OGDH: variants seen among roughly 807,000 people sequenced by gnomAD.
OGDH encodes the protein 2-oxoglutarate dehydrogenase complex component E1.
A neutral mutation model predicts 116.6 loss-of-function variants in OGDH; 38 were observed. The ratio of observed to expected loss-of-function variants is 0.33; its 90% CI spans 0.25 to 0.43. The LOEUF is 0.43. OGDH is among the 20% of genes least tolerant of loss of function. The pLI is 1.00. For synonymous variants in OGDH, 488 were observed against 533.3 expected (o/e 0.92, Z 1.17); for missense variants, 825 against 1,357.2 (o/e 0.61, Z 6.16).
chr7:44,643,702 C>CA (rs1278624518), intron 2 of OGDH, among the ~76,000 whole-genome samples: 1 of 152,200 alleles, frequency 6.6e-6, no homozygotes, highest in Non-Finnish European at 1.5e-5. Context: ...TCTCCAGACT[C>CA]AGACAGACCC....
intron 6 of OGDH, 39 bp from the exon 7 acceptor site, chr7:44,674,372 G>C: frequency 1.2e-6 from 2 of 1,613,210 alleles, no homozygotes; most frequent in Non-Finnish European, 1.7e-6. Context: ...GTCAGGAAGA[G>C]TGACATTGCC....
intron 3 of OGDH, 134 bp from the exon 4 acceptor site, chr7:44,647,523 C>T: frequency 6.5e-7 from 1 of 1,544,110 alleles, no homozygotes; most frequent in Non-Finnish European, 8.7e-7. Context: ...GTAACTGTTT[C>T]TTCAAACGTG....
rs998068955 is a variant in OGDH, at chr7:44,671,358, A to G, written c.634-2429A>G. 5.9e-5 allele frequency among the ~76,000 whole-genome samples: 9 copies of G among 152,290 alleles called. No individual in the cohort carries two copies. In the East Asian group the frequency reaches 1.2e-3, roughly 20 times the overall value. Reference sequence around the variant, plus strand: ...CACCTCTGAGCAAGGGCATTAATCTATTCATGAGGGATCCACCCTCACAAA... The same window carrying G: ...CACCTCTGAGCAAGGGCATTAATCTGTTCATGAGGGATCCACCCTCACAAA... On this transcript the variant is annotated intron_variant, in intron 5 of 22. Coordinates refer to ENST00000222673, the MANE Select transcript of OGDH (RefSeq NM_002541.4).
chr7:44,687,066 C>T (rs1353103991), intron 10 of OGDH, among the ~76,000 whole-genome samples: 9 of 138,826 alleles, frequency 6.5e-5, no homozygotes, highest in South Asian at 2.4e-4. Context: ...GGGATATGCT[C>T]ATGTTTTTAA....
At chr7:44,644,129 C>T (rs1786068819) in intron 2 of OGDH, among the ~76,000 whole-genome samples, 1 of 152,172 alleles carries the variant, frequency 6.6e-6, no homozygotes, top group South Asian at 2.1e-4. Context: ...CACTTGAACC[C>T]GGGAGGTGGA....
intron 20 of OGDH, among the ~76,000 whole-genome samples, chr7:44,705,046 A>ATTTTTTTTTTTTT (rs1585406047): frequency 1.1e-5 from 1 of 87,684 alleles, no homozygotes; most frequent in African/African-American, 6.0e-5. Context: ...AAAGTTTTTA[A>ATTTTTTTTTTTTT]TTTTCTTTTT....
At chr7:44,611,305 G>A (rs746040639) in intron 1 of OGDH, among the ~76,000 whole-genome samples, 4 of 151,888 alleles carry the variant, frequency 2.6e-5, no homozygotes, top group Non-Finnish European at 5.9e-5. Flanking sequence ...CTGTCGCCCA[G>A]GCTGGAGTGC....
intron 20 of OGDH, among the ~76,000 whole-genome samples, chr7:44,706,269 T>C (rs1789065713): frequency 6.6e-6 from 1 of 151,994 alleles, no homozygotes; most frequent in Non-Finnish European, 1.5e-5. Context: ...AGTTTTTATA[T>C]TTGTAAAATT....
intron 1 of OGDH, among the ~76,000 whole-genome samples, chr7:44,624,091 A>G (rs1785105378): frequency 6.6e-6 from 1 of 152,028 alleles, no homozygotes; most frequent in Non-Finnish European, 1.5e-5. Flanking sequence ...AGGCACATGA[A>G]CTGGTGGCAC....
intron 1 of OGDH, among the ~76,000 whole-genome samples, chr7:44,617,231 C>T (rs1439864103): frequency 2.6e-5 from 4 of 151,918 alleles, no homozygotes; most frequent in African/African-American, 9.7e-5. Flanking sequence ...CCATACCCAA[C>T]CATTTCTTTA....
chr7:44,698,534 C>T (rs1585391966), intron 18 of OGDH, among the ~76,000 whole-genome samples: 3 of 152,232 alleles, frequency 2.0e-5, no homozygotes, highest in East Asian at 1.9e-4. Flanking sequence ...ATGTGAGCTC[C>T]TCAGCAAGGG....
chr7:44,676,512 G>A (rs899050776), intron 9 of OGDH: 9 of 295,584 alleles, frequency 3.0e-5, no homozygotes, highest in Non-Finnish European at 4.5e-5. Flanking sequence ...CCGAGATTAC[G>A]CCATTGCACT....
At chr7:44,614,852 TTTG>T (rs1784709061) in intron 1 of OGDH, among the ~76,000 whole-genome samples, 1 of 149,266 alleles carries the variant, frequency 6.7e-6, no homozygotes, top group African/African-American at 2.5e-5. Context: ...TTTTTTTTTT[TTTG>T]AGATGAAGTC....
chr7:44,674,279 A>G (rs911789101), intron 6 of OGDH, 132 bp from the exon 7 acceptor site: 1 of 1,058,876 alleles, frequency 9.4e-7, no homozygotes, highest in Non-Finnish European at 1.4e-6. Flanking sequence ...TCCTGACCTC[A>G]GCTGATCTGC....
At chr7:44,698,888 G>A (rs1788704579) in intron 18 of OGDH, among the ~76,000 whole-genome samples, 1 of 151,604 alleles carries the variant, frequency 6.6e-6, no homozygotes, top group Non-Finnish European at 1.5e-5. Flanking sequence ...GCTCAAGCCT[G>A]AAATCCCAGC....
At position 44,697,391 on chromosome 7, in the gene OGDH, T is replaced by C. The variant is rs1788633898; in HGVS notation, c.2073T>C (p.His691=). 1 of 1,614,206 alleles carries C rather than the reference T, an allele frequency of 6.2e-7. No individual in the cohort carries two copies. The highest frequency in any genetic ancestry group is 8.5e-7 in the Non-Finnish European group (1 of 1,180,028). ...TCAGCCACCGCCACCATGTGCTCCA[T>C]GACCAGAATGTGGACAAGAGAACCT... ...GTFSHRHHVL[H]DQNVDKRTCI... is the part of the protein sequence containing the mutation. The change falls in exon 16 of 23, where the codon CAT becomes CAC. Residue 691 remains histidine (H), a synonymous_variant. Transcript: ENST00000222673. This position sits in a 1 kb window ranked among gnomAD's most constrained non-coding sequence, Gnocchi z 6.0.
intron 4 of OGDH, among the ~76,000 whole-genome samples, chr7:44,650,128 T>C (rs1786370925): frequency 6.6e-6 from 1 of 152,168 alleles, no homozygotes; most frequent in Non-Finnish European, 1.5e-5. Context: ...TTTGAAATAG[T>C]GTGACCTAAA....
At chr7:44,620,812 C>T (rs779273434) in intron 1 of OGDH, among the ~76,000 whole-genome samples, 1 of 151,916 alleles carries the variant, frequency 6.6e-6, no homozygotes, top group Non-Finnish European at 1.5e-5. Context: ...TTATGTGTGG[C>T]CCTAGACAAT....
intron 9 of OGDH, among the ~76,000 whole-genome samples, chr7:44,680,076 G>A (rs1474244444): frequency 6.6e-6 from 1 of 152,158 alleles, no homozygotes; most frequent in African/African-American, 2.4e-5. Flanking sequence ...GCCAGGCATG[G>A]TGGCATGTAC....
Sources: allele counts gnomAD v4.1 joint callset (sites outside exome capture counted in the v4.1 genomes callset), GRCh38; gene constraint gnomAD v4.1.1; non-coding constraint Gnocchi (gnomAD v3.1); transcripts MANE v1.5; gene names NCBI Gene and HGNC (gene_info 2026-07-23, HGNC 2026-07-21).